Variants in TBX4 observed in about 807,000 individuals in gnomAD.
The protein encoded by TBX4 is T-box transcription factor TBX4.
In TBX4, 13 loss-of-function variants were observed where a neutral mutation model predicts 54.6. That is an observed-to-expected ratio of 0.24 (90% CI 0.15 to 0.38). The LOEUF is 0.38. TBX4 is among the 10% of genes least tolerant of loss of function. The pLI, the probability that TBX4 is intolerant of heterozygous loss-of-function variation, is 1.00. For missense variants in TBX4, 631 were observed against 728.5 expected, an observed-to-expected ratio of 0.87 and a Z score of 1.54; for synonymous variants, 314 against 306.7, an observed-to-expected ratio of 1.02 and a Z score of -0.25.
chr17:61,483,498 G>A lies in TBX4; in HGVS notation c.1623G>A (p.Glu541=), dbSNP rs762062413. 119 of 1,614,036 alleles carry A rather than the reference G, an allele frequency of 7.4e-5. No homozygotes were observed. The Admixed American group carries it at 8.5e-4, about 12-fold the overall frequency. The change falls in exon 9 of 9, where the codon GAG becomes GAA. Residue 541 remains glutamate, a synonymous_variant. Coordinates refer to ENST00000644296, the MANE Select transcript of TBX4 (RefSeq NM_001321120.2). This position sits in a 1 kb window ranked among gnomAD's most constrained non-coding sequence, Gnocchi z 6.6. ...ACCATTCAGGAATGGGGACTGTGGA[G>A]AACTGGACTGACGGATGACTCTCAC... The part of the protein sequence containing the change: ...LQYHSGMGTV[E]NWTDG
chr17:61,463,408 C>T (rs2060512523), intron 3 of TBX4: 1 of 152,346 alleles, frequency 6.6e-6, no homozygotes, highest in Non-Finnish European at 1.5e-5. Context: ...CCCACATCTC[C>T]TTATCAGTCA....
Position 61,459,887 on chromosome 17 carries a change from T to G in TBX4, c.281+2256T>G, listed in dbSNP as rs962617392. Among the ~76,000 whole-genome samples, 2 of 148,888 alleles carry G rather than the reference T, an allele frequency of 1.3e-5. No homozygotes were observed. The highest frequency in any genetic ancestry group is 5.0e-5 in the African/African-American group (2 of 40,034). ...CAGACCCCATTTCCTCCTTCATAGCTGCCCCCCTCCTTCAGCAACCACTGT... is the reference window on the plus strand; with the variant it reads ...CAGACCCCATTTCCTCCTTCATAGCGGCCCCCCTCCTTCAGCAACCACTGT... On this transcript the variant is annotated intron_variant, in intron 3 of 8. Coordinates refer to ENST00000644296, the MANE Select transcript of TBX4 (RefSeq NM_001321120.2). This position sits in a 1 kb window ranked among gnomAD's most constrained non-coding sequence, Gnocchi z 4.8.
intron 5 of TBX4, among the ~76,000 whole-genome samples, chr17:61,477,734 A>C (rs1258907362): frequency 6.6e-6 from 1 of 152,182 alleles, no homozygotes; most frequent in African/African-American, 2.4e-5. Flanking sequence ...GGAGGTCAGG[A>C]GTTCGAGACC....
Position 61,472,021 on chromosome 17 carries a change from G to A in TBX4, c.549+4364G>A, listed in dbSNP as rs1318430971. Reference sequence around the variant, plus strand: ...GCCTCCCAAAGTGCTGGGATTGCAGGCGTGTGCCACCGCGCCCGGCCTGCA... The same window carrying A: ...GCCTCCCAAAGTGCTGGGATTGCAGACGTGTGCCACCGCGCCCGGCCTGCA... On this transcript the variant is annotated intron_variant, in intron 5 of 8. Transcript: ENST00000644296. The surrounding 1 kb of genome is among the most constrained non-coding windows in gnomAD (Gnocchi z 4.5). Among the ~76,000 whole-genome samples, 1 of 151,666 alleles carries A rather than the reference G, an allele frequency of 6.6e-6. No individual in the cohort carries two copies. Among genetic ancestry groups the A allele is most frequent in the East Asian group, 1.9e-4 (1 of 5,170 alleles).
At position 61,481,492 on chromosome 17, in the gene TBX4, C is replaced by T. The variant is rs1032562954; in HGVS notation, c.1021+1173C>T. On this transcript the variant is annotated intron_variant, in intron 8 of 8. Transcript: ENST00000644296. The surrounding 1 kb of genome is among the most constrained non-coding windows in gnomAD (Gnocchi z 4.8). The stretch of plus-strand genomic sequence containing the variant: ...ACCTGCCAGGATCAAGAGCTTAGCT[C>T]AGGGAGAAGAGAGGGATTTGGAGAG... The T allele has an allele frequency of 1.2e-4, 19 of 152,388 alleles. No homozygotes were observed. Among genetic ancestry groups the T allele is most frequent in the African/African-American group, 4.1e-4 (17 of 41,426 alleles). 9.4% of individuals were successfully genotyped at this position (152,388 alleles called of 1,614,324 possible). A position where few individuals can be genotyped will look rare whatever the true frequency, so the allele number is the denominator to read the frequency against.
At position 61,483,631 on chromosome 17, in the gene TBX4, T is replaced by TGTGC; in HGVS notation, c.*118_*119insCGTG. On this transcript the variant is annotated 3_prime_UTR_variant, in exon 9 of 9. Coordinates refer to ENST00000644296, the MANE Select transcript of TBX4 (RefSeq NM_001321120.2). This position sits in a 1 kb window ranked among gnomAD's most constrained non-coding sequence, Gnocchi z 6.6. ...GTATTCCAGTGTGTGTGTGTGTGTG[T>TGTGC]GTGTGTGTGTGTGTGTGTGTGTATA... is the stretch of plus-strand genomic sequence containing the variant. 9.2e-7 allele frequency: 1 copy of TGTGC among 1,087,070 alleles called. No homozygotes were observed. The highest frequency in any genetic ancestry group is 1.4e-6 in the Non-Finnish European group (1 of 721,560). 67.3% of individuals were successfully genotyped at this position (1,087,070 alleles called of 1,614,324 possible).
intron 5 of TBX4, among the ~76,000 whole-genome samples, chr17:61,473,208 T>C (rs1256370010): frequency 6.6e-6 from 1 of 152,222 alleles, no homozygotes; most frequent in African/African-American, 2.4e-5. Flanking sequence ...TGCACGTTTC[T>C]TGTTAGGTGT....
rs922548949 is a variant in TBX4, at chr17:61,479,470, T to C, written c.703-411T>C. Among the ~76,000 whole-genome samples, 1 of 152,156 alleles carries C rather than the reference T, an allele frequency of 6.6e-6. No homozygotes were observed. Among genetic ancestry groups the C allele is most frequent in the African/African-American group, 2.4e-5 (1 of 41,432 alleles). ...ACGGTCACTCAGAGCCTGATGTAGTTGCACAGACTCAGGCAGCAGGCCCGG... is the reference window on the plus strand; with the variant it reads ...ACGGTCACTCAGAGCCTGATGTAGTCGCACAGACTCAGGCAGCAGGCCCGG... On this transcript the variant is annotated intron_variant, in intron 6 of 8. Transcript: ENST00000644296. The surrounding 1 kb of genome is among the most constrained non-coding windows in gnomAD (Gnocchi z 6.1).
At chr17:61,466,741 G>A (rs995649757) in intron 4 of TBX4, among the ~76,000 whole-genome samples, 12 of 152,376 alleles carry the variant, frequency 7.9e-5, no homozygotes, top group African/African-American at 2.6e-4. Context: ...CTCAGAGCAG[G>A]CTCTGGCTGC....
rs2060546007 is a variant in TBX4 at position 61,467,663 on chromosome 17, C to T, written c.549+6C>T. ...ACCTGGACCCCTTTGGCCATGTAAG[C>T]ATGGGGGCTGCCTGGCCCCAGGAGG... On this transcript the variant is annotated splice_donor_region_variant and intron_variant, in intron 5 of 8. Transcript: ENST00000644296. The T allele has an allele frequency of 6.2e-7, 1 of 1,614,138 alleles. No individual in the cohort carries two copies. The highest frequency in any genetic ancestry group is 8.5e-7 in the Non-Finnish European group (1 of 1,180,024).
intron 5 of TBX4, among the ~76,000 whole-genome samples, chr17:61,469,877 G>A (rs28451986): frequency 0.021 from 3,186 of 152,320 alleles, 114 homozygotes; most frequent in African/African-American, 0.073. Flanking sequence ...GCAAGAGGCT[G>A]GGGAAAAGCC....
In TBX4 at chr17:61,481,179, T is replaced by G. The variant is rs756298167; in HGVS notation, c.1021+860T>G. On this transcript the variant is annotated intron_variant, in intron 8 of 8. Coordinates refer to ENST00000644296, the MANE Select transcript of TBX4 (RefSeq NM_001321120.2). This position sits in a 1 kb window ranked among gnomAD's most constrained non-coding sequence, Gnocchi z 4.8. ...TGTGGCCTTCGGACCTAACCCAGCCTGCTACCTGTACAAAATAGTTTTTAC... is the reference window on the plus strand; with the variant it reads ...TGTGGCCTTCGGACCTAACCCAGCCGGCTACCTGTACAAAATAGTTTTTAC... 1 of 152,226 alleles carries G rather than the reference T, an allele frequency of 6.6e-6. No individual in the cohort carries two copies. The highest frequency in any genetic ancestry group is 1.5e-5 in the Non-Finnish European group (1 of 68,054). 9.4% of individuals were successfully genotyped at this position (152,226 alleles called of 1,614,324 possible). A position where few individuals can be genotyped will look rare whatever the true frequency, so the allele number is the denominator to read the frequency against.
Position 61,456,682 on chromosome 17 carries a change from G to A in TBX4, c.186+6G>A. 7.2e-7 allele frequency: 1 copy of A among 1,380,654 alleles called. No homozygotes were observed. Among genetic ancestry groups the A allele is most frequent in the Non-Finnish European group, 9.4e-7 (1 of 1,064,484 alleles). The allele number at this position is 1,380,654 out of a possible 1,614,324, so 85.5% of individuals were successfully genotyped here. ...CCGCCGCCGCCGCGGAGCAGGTAGGGCTGCGCCAGCCGTCGGGTAGAAGTC... is the reference window on the plus strand; with the variant it reads ...CCGCCGCCGCCGCGGAGCAGGTAGGACTGCGCCAGCCGTCGGGTAGAAGTC... On this transcript the variant is annotated splice_donor_region_variant and intron_variant, in intron 2 of 8. Transcript: ENST00000644296.
rs1236064906 is a variant in TBX4, at chr17:61,476,155, T to C, written c.550-2472T>C. Among the ~76,000 whole-genome samples the C allele has an allele frequency of 2.0e-5, 3 of 152,096 alleles. No homozygotes were observed. The highest frequency in any genetic ancestry group is 7.2e-5 in the African/African-American group (3 of 41,408). On this transcript the variant is annotated intron_variant, in intron 5 of 8. Coordinates refer to ENST00000644296, the MANE Select transcript of TBX4 (RefSeq NM_001321120.2). The surrounding 1 kb of genome is among the most constrained non-coding windows in gnomAD (Gnocchi z 6.5). Reference sequence around the variant, plus strand: ...TTCTCCTGAGGAGTTTAGAGTTTAATTGAAGGGACAAGAAGAAATAGGAAG... The same window carrying C: ...TTCTCCTGAGGAGTTTAGAGTTTAACTGAAGGGACAAGAAGAAATAGGAAG...
intron 1 of TBX4, 131 bp downstream of exon 1, chr17:61,452,708 G>A (rs1706002720): frequency 6.5e-6 from 1 of 154,352 alleles, no homozygotes; most frequent in Admixed American, 6.5e-5. Context: ...ACCCGGGGAA[G>A]AACTTCAGGG....
chr17:61,454,492 G>A (rs1222462971), intron 1 of TBX4, among the ~76,000 whole-genome samples: 1 of 152,246 alleles, frequency 6.6e-6, no homozygotes, highest in Non-Finnish European at 1.5e-5. Context: ...CCAAGCTCGA[G>A]GTCCGAGAGG....
chr17:61,463,949 G>A (rs2060516507), intron 3 of TBX4, among the ~76,000 whole-genome samples: 1 of 152,194 alleles, frequency 6.6e-6, no homozygotes, highest in South Asian at 2.1e-4. Flanking sequence ...AAAGGGTGGT[G>A]CAAGATCCAG....
chr17:61,462,286 C>T lies in TBX4; in HGVS notation c.282-3533C>T, dbSNP rs1430284069. ...GAAGCCCCGGGCTTTCATCTCCTCC[C>T]GGGCCGGCGAGCAGGCGGCTTGTTT... is the stretch of plus-strand genomic sequence containing the variant. On this transcript the variant is annotated intron_variant, in intron 3 of 8. Coordinates refer to ENST00000644296, the MANE Select transcript of TBX4 (RefSeq NM_001321120.2). The surrounding 1 kb of genome is among the most constrained non-coding windows in gnomAD (Gnocchi z 4.5). Among the ~76,000 whole-genome samples the T allele has an allele frequency of 6.6e-6, 1 of 151,874 alleles. No individual in the cohort carries two copies. The highest frequency in any genetic ancestry group is 1.5e-5 in the Non-Finnish European group (1 of 67,950).
chr17:61,479,092 T>C lies in TBX4; in HGVS notation c.702+313T>C, dbSNP rs2060643647. On this transcript the variant is annotated intron_variant, in intron 6 of 8. Transcript: ENST00000644296. This position sits in a 1 kb window ranked among gnomAD's most constrained non-coding sequence, Gnocchi z 6.1. ...GTGGTTTGAGCATTGGGCCCTTTCA[T>C]TCCACAATGTTCTTTCTCCTGGTTC... Among the ~76,000 whole-genome samples, 1 of 152,208 alleles carries C rather than the reference T, an allele frequency of 6.6e-6. No homozygotes were observed.
Sources: allele counts gnomAD v4.1 joint callset (sites outside exome capture counted in the v4.1 genomes callset), GRCh38; gene constraint gnomAD v4.1.1; non-coding constraint Gnocchi (gnomAD v3.1); transcripts MANE v1.5; gene names NCBI Gene and HGNC (gene_info 2026-07-23, HGNC 2026-07-21).